The following SLIT3 variants were observed in gnomAD, a reference collection of about 807,000 sequenced individuals.
SLIT3 encodes slit guidance ligand 3.
SLIT3 carries 68 observed loss-of-function variants against 184.0 expected under a neutral mutation model. That is an observed-to-expected ratio of 0.37 (90% CI 0.30 to 0.45). The LOEUF is 0.45. SLIT3 is among the 20% of genes least tolerant of loss of function. The probability of loss-of-function intolerance (pLI) is 1.00; values close to 1 mark genes in which losing one functional copy is unlikely to be tolerated. For missense variants in SLIT3, 1,707 were observed against 2,026.0 expected (o/e 0.84, Z 3.02); for synonymous variants, 831 against 828.6 (o/e 1.00, Z -0.05).
intron 9 of SLIT3, among the ~76,000 whole-genome samples, chr5:168,800,894 C>T (rs1338488036): frequency 6.6e-6 from 1 of 152,214 alleles, no homozygotes; most frequent in Non-Finnish European, 1.5e-5. Flanking sequence ...TGTGATGACA[C>T]ACACATATAC....
intron 4 of SLIT3, among the ~76,000 whole-genome samples, chr5:168,911,683 T>C (rs1761258449): frequency 6.6e-6 from 1 of 152,180 alleles, no homozygotes; most frequent in Non-Finnish European, 1.5e-5. Context: ...GCATATAAGA[T>C]GTCGGGATCA....
chr5:168,872,758 CCT>C (rs1338193773), intron 5 of SLIT3, among the ~76,000 whole-genome samples: 1 of 151,234 alleles, frequency 6.6e-6, no homozygotes, highest in African/African-American at 2.4e-5. Context: ...CCTGCCTCAG[CCT>C]CTCCCGAGTA....
intron 4 of SLIT3, among the ~76,000 whole-genome samples, chr5:168,993,479 A>C (rs1755401433): frequency 6.6e-6 from 1 of 152,178 alleles, no homozygotes; most frequent in Non-Finnish European, 1.5e-5. Context: ...AGGTATTAGG[A>C]AGTGAAAGGC....
intron 4 of SLIT3, among the ~76,000 whole-genome samples, chr5:169,048,797 G>T (rs972860738): frequency 2.0e-5 from 3 of 152,122 alleles, no homozygotes; most frequent in African/African-American, 7.2e-5. Context: ...CTTCTGGAAC[G>T]AATCACAGTC....
chr5:169,133,853 G>C (rs116144851), intron 4 of SLIT3, among the ~76,000 whole-genome samples: 9 of 152,304 alleles, frequency 5.9e-5, no homozygotes, highest in Middle Eastern at 6.8e-3. Flanking sequence ...ATAATTAAAC[G>C]TCAGATGTAC....
intron 8 of SLIT3, among the ~76,000 whole-genome samples, chr5:168,811,985 T>C (rs1757170930): frequency 6.6e-6 from 1 of 152,236 alleles, no homozygotes; most frequent in Non-Finnish European, 1.5e-5. Context: ...AATGAATGGA[T>C]ACAGACAATG....
intron 1 of SLIT3, among the ~76,000 whole-genome samples, chr5:169,290,752 A>G (rs1483133442): frequency 1.3e-5 from 2 of 150,404 alleles, no homozygotes; most frequent in African/African-American, 4.9e-5. Flanking sequence ...ACACTAGGGC[A>G]TACACTGGGG....
At chr5:169,027,725 C>T (rs1483236590) in intron 4 of SLIT3, among the ~76,000 whole-genome samples, 3 of 152,202 alleles carry the variant, frequency 2.0e-5, no homozygotes, top group Non-Finnish European at 4.4e-5. Flanking sequence ...CGCAGCGGTT[C>T]TGCTTTTTAT....
At chr5:168,987,684 T>G (rs1299721759) in intron 4 of SLIT3, among the ~76,000 whole-genome samples, 1 of 152,220 alleles carries the variant, frequency 6.6e-6, no homozygotes, top group Admixed American at 6.5e-5. Context: ...AGGAACCGAA[T>G]TGATTTAAAC....
intron 1 of SLIT3, among the ~76,000 whole-genome samples, chr5:169,278,761 G>A (rs971047795): frequency 1.3e-5 from 2 of 152,068 alleles, no homozygotes; most frequent in Non-Finnish European, 2.9e-5. Context: ...CTTCACATGG[G>A]CTACCCATCC....
At chr5:168,872,776 G>A (rs1403514799) in intron 5 of SLIT3, among the ~76,000 whole-genome samples, 1 of 151,584 alleles carries the variant, frequency 6.6e-6, no homozygotes, top group African/African-American at 2.4e-5. Flanking sequence ...GAGTAGCTGG[G>A]ACTACAGGCA....
chr5:168,949,480 T>G (rs939682624), intron 4 of SLIT3, among the ~76,000 whole-genome samples: 4 of 152,166 alleles, frequency 2.6e-5, no homozygotes, highest in Admixed American at 2.6e-4. Flanking sequence ...GAAAGATTCC[T>G]TACAGAGATC....
chr5:168,849,682 T>A (rs1342599486), intron 5 of SLIT3, among the ~76,000 whole-genome samples: 1 of 152,238 alleles, frequency 6.6e-6, no homozygotes, highest in Non-Finnish European at 1.5e-5. Flanking sequence ...TTTTCACAGC[T>A]GAATTATACT....
At chr5:168,936,407 G>A (rs761333706) in intron 4 of SLIT3, among the ~76,000 whole-genome samples, 12 of 152,148 alleles carry the variant, frequency 7.9e-5, no homozygotes, top group Non-Finnish European at 1.2e-4. Context: ...GCTAATTTTT[G>A]TATTTTTAGT....
intron 4 of SLIT3, among the ~76,000 whole-genome samples, chr5:169,142,623 G>C (rs1209609615): frequency 2.0e-5 from 3 of 152,208 alleles, no homozygotes; most frequent in African/African-American, 4.8e-5. Flanking sequence ...GCCAAGCTGG[G>C]TCAACAGAAC....
At chr5:168,681,246 G>C (rs1455158865) in intron 32 of SLIT3, among the ~76,000 whole-genome samples, 1 of 152,170 alleles carries the variant, frequency 6.6e-6, no homozygotes, top group Admixed American at 6.5e-5. Context: ...TTTTGCTGTG[G>C]AACCACTGCT....
chr5:168,897,646 GTACACA>G (rs1157346006), intron 4 of SLIT3, among the ~76,000 whole-genome samples: 5 of 105,448 alleles, frequency 4.7e-5, no homozygotes, highest in Non-Finnish European at 5.9e-5. Flanking sequence ...ACAGGTGCAC[GTACACA>G]CACACACACA....
intron 4 of SLIT3, among the ~76,000 whole-genome samples, chr5:169,173,662 C>T (rs1762883316): frequency 6.6e-6 from 1 of 152,142 alleles, no homozygotes; most frequent in South Asian, 2.1e-4. Context: ...TCCCTTAGGT[C>T]GTTCTTGAGA....
chr5:169,033,564 G>A (rs1757120035), intron 4 of SLIT3, among the ~76,000 whole-genome samples: 1 of 152,138 alleles, frequency 6.6e-6, no homozygotes. Flanking sequence ...CAGCAACAAT[G>A]TACAAGGGTT....
Sources: gnomAD v4.1 joint callset for allele counts (sites outside exome capture counted in the v4.1 genomes callset) on GRCh38, gnomAD v4.1.1 for gene constraint, MANE v1.5 for transcripts, NCBI Gene and HGNC (gene_info 2026-07-23, HGNC 2026-07-21) for gene names.